PHACTR1: variants seen among roughly 807,000 people sequenced by gnomAD.
PHACTR1 encodes RPEL repeat containing 1.
A neutral mutation model predicts 69.2 loss-of-function variants in PHACTR1; 16 were observed. That is an observed-to-expected ratio of 0.23 (90% CI 0.16 to 0.35). The LOEUF (loss-of-function observed/expected upper bound fraction) is 0.35. Among genes scored for constraint, PHACTR1 ranks in the 10% least tolerant of loss-of-function variants. The pLI is 1.00. For missense variants in PHACTR1, 510 were observed against 734.7 expected (o/e 0.69, Z 3.54); for synonymous variants, 312 against 284.5 (o/e 1.10, Z -0.97).
chr6:12,983,473 A>T (rs773775202), intron 4 of PHACTR1, among the ~76,000 whole-genome samples: 1 of 152,208 alleles, frequency 6.6e-6, no homozygotes, highest in Non-Finnish European at 1.5e-5. Context: ...GAGGACTTGG[A>T]ATATAGAAGA....
At chr6:13,066,518 A>G (rs1188738321) in intron 5 of PHACTR1, among the ~76,000 whole-genome samples, 1 of 152,184 alleles carries the variant, frequency 6.6e-6, no homozygotes, top group Non-Finnish European at 1.5e-5. Flanking sequence ...GTGTGTTAAA[A>G]GCTCAGGTTG....
chr6:13,149,608 C>T (rs377652504), intron 5 of PHACTR1, among the ~76,000 whole-genome samples: 17 of 152,038 alleles, frequency 1.1e-4, no homozygotes, highest in African/African-American at 3.9e-4. Flanking sequence ...ATTTTGTTCA[C>T]GTCGACTCTG....
At chr6:12,916,591 G>A (rs905030071) in intron 4 of PHACTR1, among the ~76,000 whole-genome samples, 3 of 150,310 alleles carry the variant, frequency 2.0e-5, no homozygotes, top group Non-Finnish European at 2.9e-5. Flanking sequence ...TACAGAGTAG[G>A]CATTCTGTAT....
At chr6:13,024,339 T>C (rs9381635) in intron 4 of PHACTR1, among the ~76,000 whole-genome samples, 113,618 of 152,108 alleles carry the variant, frequency 0.75, 43,157 homozygotes, top group East Asian at 0.88. Flanking sequence ...AACTGTTTGT[T>C]TGACATATCC....
intron 4 of PHACTR1, among the ~76,000 whole-genome samples, chr6:12,760,962 A>G (rs1361179227): frequency 6.6e-6 from 1 of 152,194 alleles, no homozygotes; most frequent in Non-Finnish European, 1.5e-5. Flanking sequence ...ACAGAATCGT[A>G]GCTTTCTGAA....
At chr6:12,731,991 T>A (rs902160196) in intron 3 of PHACTR1, among the ~76,000 whole-genome samples, 13 of 151,014 alleles carry the variant, frequency 8.6e-5, no homozygotes, top group African/African-American at 3.2e-4. Flanking sequence ...TTTTTTTTTT[T>A]ATTTGGGAAA....
intron 3 of PHACTR1, among the ~76,000 whole-genome samples, chr6:12,731,052 G>C (rs894136321): frequency 6.6e-6 from 1 of 150,394 alleles, no homozygotes; most frequent in Non-Finnish European, 1.5e-5. Context: ...GTCTTGCTCT[G>C]TTGCCCAGGC....
At chr6:13,259,907 T>A (rs1410544412) in intron 10 of PHACTR1, among the ~76,000 whole-genome samples, 1 of 152,168 alleles carries the variant, frequency 6.6e-6, no homozygotes, top group African/African-American at 2.4e-5. Flanking sequence ...TATTAAGAGT[T>A]GTTCTGCTCA....
At chr6:13,017,453 T>A (rs1449931919) in intron 4 of PHACTR1, among the ~76,000 whole-genome samples, 1 of 152,174 alleles carries the variant, frequency 6.6e-6, no homozygotes, top group Non-Finnish European at 1.5e-5. Flanking sequence ...CCTCCTTACC[T>A]ACTTGATAGA....
At chr6:13,106,827 C>T (rs1056758522) in intron 5 of PHACTR1, among the ~76,000 whole-genome samples, 17 of 152,042 alleles carry the variant, frequency 1.1e-4, no homozygotes, top group Admixed American at 2.0e-4. Flanking sequence ...ATCAAAAAGA[C>T]GAACTGCAAT....
rs1773479133 is a variant in PHACTR1 at position 13,245,577 on chromosome 6, T to C, written c.1391+15384T>C. Among the ~76,000 whole-genome samples the C allele has an allele frequency of 6.6e-6, 1 of 152,226 alleles. No homozygotes were observed. The highest frequency in any genetic ancestry group is 2.1e-4 in the South Asian group (1 of 4,836). ...ATTAGACCTTTGTTGGACGTATAGT[T>C]TGCAAATATTTTCTCCCATTCTGTA... On this transcript the variant is annotated intron_variant, in intron 10 of 14. Transcript: ENST00000332995. This position sits in a 1 kb window ranked among gnomAD's most constrained non-coding sequence, Gnocchi z 4.1.
chr6:13,058,915 A>G (rs1292131373), intron 5 of PHACTR1, among the ~76,000 whole-genome samples: 2 of 152,160 alleles, frequency 1.3e-5, no homozygotes, highest in African/African-American at 2.4e-5. Context: ...TGCCTCGTTT[A>G]GAGCAAATTC....
chr6:12,916,276 C>T (rs1171923025), intron 4 of PHACTR1, among the ~76,000 whole-genome samples: 3 of 152,210 alleles, frequency 2.0e-5, no homozygotes, highest in Non-Finnish European at 4.4e-5. Context: ...CTGAATTTCT[C>T]ATACAAAACC....
intron 4 of PHACTR1, among the ~76,000 whole-genome samples, chr6:12,778,006 G>C (rs1033395902): frequency 2.6e-5 from 4 of 152,196 alleles, no homozygotes; most frequent in African/African-American, 7.2e-5. Flanking sequence ...CTCAGTGACT[G>C]TGTTGGCCCC....
intron 3 of PHACTR1, among the ~76,000 whole-genome samples, chr6:12,723,047 T>A (rs1762320294): frequency 6.6e-6 from 1 of 152,196 alleles, no homozygotes; most frequent in African/African-American, 2.4e-5. Context: ...ACAATTGAAC[T>A]TGAAGAGAAG....
chr6:12,857,319 A>G (rs1582121646), intron 4 of PHACTR1, among the ~76,000 whole-genome samples: 1 of 152,156 alleles, frequency 6.6e-6, no homozygotes, highest in East Asian at 1.9e-4. Flanking sequence ...TTAGAAAAAA[A>G]TCAACATTCT....
intron 4 of PHACTR1, among the ~76,000 whole-genome samples, chr6:12,950,374 T>C (rs1458357203): frequency 6.6e-6 from 1 of 152,236 alleles, no homozygotes; most frequent in Non-Finnish European, 1.5e-5. Flanking sequence ...ACAGAATTAC[T>C]TCTACCATAC....
chr6:13,161,374 C>T (rs1051876984), intron 6 of PHACTR1, among the ~76,000 whole-genome samples: 1 of 152,176 alleles, frequency 6.6e-6, no homozygotes, highest in South Asian at 2.1e-4. Context: ...ATCTCTTTCT[C>T]TCACTCTGAG....
At chr6:12,843,484 A>G (rs943938605) in intron 4 of PHACTR1, among the ~76,000 whole-genome samples, 1 of 152,212 alleles carries the variant, frequency 6.6e-6, no homozygotes, top group East Asian at 1.9e-4. Flanking sequence ...TAGACAGATA[A>G]ATAGATAAAC....
Sources: allele counts gnomAD v4.1 joint callset (sites outside exome capture counted in the v4.1 genomes callset), GRCh38; gene constraint gnomAD v4.1.1; non-coding constraint Gnocchi (gnomAD v3.1); transcripts MANE v1.5; gene names NCBI Gene and HGNC (gene_info 2026-07-23, HGNC 2026-07-21).